The following PLPP2 variants were observed in gnomAD, a reference collection of about 807,000 sequenced individuals.
The protein encoded by PLPP2 is PAP2-gamma.
Under a neutral mutation model 35.2 loss-of-function variants are expected in PLPP2, and 29 were observed. The observed-to-expected ratio is 0.82, with a 90% CI of 0.61 to 1.12. The LOEUF is 1.12. Among genes scored for constraint, PLPP2 ranks in the 50% most tolerant of loss-of-function variants. PLPP2 has a pLI of 0.00. For synonymous variants in PLPP2, 162 were observed against 167.0 expected, an observed-to-expected ratio of 0.97 and a Z score of 0.23; for missense variants, 353 against 375.2, an observed-to-expected ratio of 0.94 and a Z score of 0.49.
chr19:287,406 G>C lies in PLPP2; in HGVS notation c.482+68C>G, dbSNP rs1970286932. 1 of 1,541,142 alleles carries C rather than the reference G, an allele frequency of 6.5e-7. No homozygotes were observed. The highest frequency in any genetic ancestry group is 1.2e-5 in the South Asian group (1 of 80,042). On this transcript the variant is annotated intron_variant, in intron 3 of 5. Coordinates refer to ENST00000434325, the MANE Select transcript of PLPP2 (RefSeq NM_003712.4). The surrounding 1 kb of genome is among the most constrained non-coding windows in gnomAD (Gnocchi z 4.3). Reference sequence around the variant, plus strand: ...TCTCAGCTGCCTGCTGGCTCTTCATGATTTGGCTCCAGGGCCTTCTTCAGC... The same window carrying C: ...TCTCAGCTGCCTGCTGGCTCTTCATCATTTGGCTCCAGGGCCTTCTTCAGC...
rs552097557 is a variant in PLPP2, at chr19:287,906, G to A, written c.204+114C>T. On this transcript the variant is annotated intron_variant, in intron 2 of 5. Transcript: ENST00000434325. This position sits in a 1 kb window ranked among gnomAD's most constrained non-coding sequence, Gnocchi z 4.3. ...CACTCAGGGCAAGGCTGTGTCCCCC[G>A]GCCCCACACAGACCTCCAGGGCAGG... The A allele has an allele frequency of 2.5e-4, 383 of 1,505,380 alleles. No individual in the cohort carries two copies. The African/African-American group carries it at 3.3e-3, about 13-fold the overall frequency. 93.3% of individuals were successfully genotyped at this position (1,505,380 alleles called of 1,614,324 possible).
chr19:284,719 A>G (rs1256272144), intron 3 of PLPP2: 1 of 152,260 alleles, frequency 6.6e-6, no homozygotes, highest in African/African-American at 2.4e-5. Flanking sequence ...AGAAGTTATA[A>G]AAAGGAACCA....
intron 1 of PLPP2, 88 bp from the exon 2 acceptor site, chr19:288,259 TC>T: frequency 7.4e-7 from 1 of 1,358,030 alleles, no homozygotes; most frequent in Non-Finnish European, 1.0e-6. Flanking sequence ...CCTGGAGGCC[TC>T]CCACCTCTAC....
intron 3 of PLPP2, chr19:284,832 A>T (rs1034615209): frequency 1.3e-5 from 2 of 152,172 alleles, no homozygotes; most frequent in Non-Finnish European, 2.9e-5. Context: ...AAATAGGTCA[A>T]TTGGCCGGGC....
chr19:290,572 T>G (rs1970367266), intron 1 of PLPP2, among the ~76,000 whole-genome samples: 1 of 152,190 alleles, frequency 6.6e-6, no homozygotes, highest in African/African-American at 2.4e-5. Context: ...GGCCATTGTC[T>G]GTGCAGCCAC....
Position 288,466 on chromosome 19 carries a change from T to C in PLPP2, c.53-295A>G, listed in dbSNP as rs76982856. The C allele has an allele frequency of 3.1e-5, 7 of 223,640 alleles. No homozygotes were observed. In the South Asian group the frequency reaches 4.3e-4, roughly 14 times the overall value. The allele number at this position is 223,640 out of a possible 1,614,324, so 13.9% of individuals were successfully genotyped here. ...CTCTGCCCAAAATATCTTTTTTTTTTAAATTTTTAAAAGTAGAGACAGGGG... is the reference window on the plus strand; with the variant it reads ...CTCTGCCCAAAATATCTTTTTTTTTCAAATTTTTAAAAGTAGAGACAGGGG... On this transcript the variant is annotated intron_variant, in intron 1 of 5. Coordinates refer to ENST00000434325, the MANE Select transcript of PLPP2 (RefSeq NM_003712.4).
At chr19:289,533 G>A (rs2145278371) in intron 1 of PLPP2, among the ~76,000 whole-genome samples, 2 of 152,048 alleles carry the variant, frequency 1.3e-5, no homozygotes, top group Non-Finnish European at 2.9e-5. Flanking sequence ...GGCTAACACG[G>A]TGAAACCCCA....
At position 281,423 on chromosome 19, in the gene PLPP2, G is replaced by A. The variant is rs1190895044; in HGVS notation, c.832C>T (p.His278Tyr). ...SLTLTLGEADHNHYGYPHSSS is the reference protein window; with the variant it reads ...SLTLTLGEADYNHYGYPHSSS ...GAGTGCGGGTATCCATAGTGGTTGT[G>A]GTCAGCCTCGCCCAGGGTCAACGTC... The change falls in exon 6 of 6, where the codon CAC (histidine) becomes TAC (tyrosine). Residue 278 changes from histidine (H) to tyrosine (Y), a missense_variant. Coordinates refer to ENST00000434325, the MANE Select transcript of PLPP2 (RefSeq NM_003712.4). The A allele has an allele frequency of 3.3e-6, 5 of 1,508,290 alleles. No homozygotes were observed. In the African/African-American group the frequency reaches 5.6e-5, roughly 17 times the overall value. The allele number at this position is 1,508,290 out of a possible 1,614,324, so 93.4% of individuals were successfully genotyped here.
chr19:290,827 G>T, intron 1 of PLPP2: 1 of 824,260 alleles, frequency 1.2e-6, no homozygotes, highest in Non-Finnish European at 1.6e-6. Flanking sequence ...CGACGCACCG[G>T]GTGCCAGGAC....
At chr19:289,381 T>C (rs1434121721) in intron 1 of PLPP2, among the ~76,000 whole-genome samples, 1 of 152,088 alleles carries the variant, frequency 6.6e-6, no homozygotes, top group African/African-American at 2.4e-5. Context: ...GGAAATAATC[T>C]GGTGAAGAAA....
rs1970387560 is a variant in PLPP2, at chr19:291,393, C to T, written c.-57G>A. 6.6e-7 allele frequency: 1 copy of T among 1,510,750 alleles called. No individual in the cohort carries two copies. 93.6% of individuals were successfully genotyped at this position (1,510,750 alleles called of 1,614,324 possible). ...GCGTCCCGTCGCGTCCCGGCCCGGC[C>T]GCGGAGTCACGTGGCGCGGAGCCCG... On this transcript the variant is annotated 5_prime_UTR_variant, in exon 1 of 6. Coordinates refer to ENST00000434325, the MANE Select transcript of PLPP2 (RefSeq NM_003712.4).
At chr19:281,967 G>A in intron 5 of PLPP2, 167 bp downstream of exon 5, 1 of 736,568 alleles carries the variant, frequency 1.4e-6, no homozygotes, top group Non-Finnish European at 2.2e-6. Flanking sequence ...GGGAAGGATG[G>A]GGTAAAGGGA....
Position 287,938 on chromosome 19 carries a change from C to T in PLPP2, c.204+82G>A. ...CACAGACCTCCAGGGCAGGGCTGTG[C>T]CACCCCCCCATCAGGCCCCCAGGGT... On this transcript the variant is annotated intron_variant, in intron 2 of 5. Coordinates refer to ENST00000434325, the MANE Select transcript of PLPP2 (RefSeq NM_003712.4). This position sits in a 1 kb window ranked among gnomAD's most constrained non-coding sequence, Gnocchi z 4.3. The T allele has an allele frequency of 1.3e-6, 2 of 1,543,264 alleles. No individual in the cohort carries two copies. Among genetic ancestry groups the T allele is most frequent in the Non-Finnish European group, 1.8e-6 (2 of 1,137,746 alleles).
intron 1 of PLPP2, chr19:290,982 G>C: frequency 1.0e-5 from 13 of 1,249,374 alleles, no homozygotes; most frequent in Non-Finnish European, 1.3e-5. Flanking sequence ...GGATGGAGGC[G>C]CGCGCGCGGC....
Position 281,123 on chromosome 19 carries a change from T to C in PLPP2, c.*265A>G. The C allele has an allele frequency of 1.4e-5, 5 of 357,846 alleles. No individual in the cohort carries two copies. Among genetic ancestry groups the C allele is most frequent in the Non-Finnish European group, 2.0e-5 (4 of 200,448 alleles). 22.2% of individuals were successfully genotyped at this position (357,846 alleles called of 1,614,324 possible). A position where few individuals can be genotyped will look rare whatever the true frequency, so the allele number is the denominator to read the frequency against. ...AAACAGCAACTATCTGATCTCTCGG[T>C]CCCTTCCTTAACCCCATAAAAAGAA... is the stretch of plus-strand genomic sequence containing the variant. On this transcript the variant is annotated 3_prime_UTR_variant, in exon 6 of 6. Coordinates refer to ENST00000434325, the MANE Select transcript of PLPP2 (RefSeq NM_003712.4).
At chr19:286,786 A>G (rs1970277900) in intron 3 of PLPP2, 1 of 151,826 alleles carries the variant, frequency 6.6e-6, no homozygotes, top group East Asian at 1.9e-4. Flanking sequence ...ATATGGCAAA[A>G]CCCCGTTTCT....
In PLPP2 at chr19:287,890, C is replaced by A; in HGVS notation, c.204+130G>T. Reference sequence around the variant, plus strand: ...TATTACCCACAGGTACCACTCAGGGCAAGGCTGTGTCCCCCGGCCCCACAC... The same window carrying A: ...TATTACCCACAGGTACCACTCAGGGAAAGGCTGTGTCCCCCGGCCCCACAC... On this transcript the variant is annotated intron_variant, in intron 2 of 5. Coordinates refer to ENST00000434325, the MANE Select transcript of PLPP2 (RefSeq NM_003712.4). This position sits in a 1 kb window ranked among gnomAD's most constrained non-coding sequence, Gnocchi z 4.3. 6.6e-7 allele frequency: 1 copy of A among 1,509,926 alleles called. No individual in the cohort carries two copies. The highest frequency in any genetic ancestry group is 2.3e-5 in the East Asian group (1 of 44,042). The allele number at this position is 1,509,926 out of a possible 1,614,324, so 93.5% of individuals were successfully genotyped here.
Position 287,100 on chromosome 19 carries a change from A to G in PLPP2, c.482+374T>C. On this transcript the variant is annotated intron_variant, in intron 3 of 5. Coordinates refer to ENST00000434325, the MANE Select transcript of PLPP2 (RefSeq NM_003712.4). The surrounding 1 kb of genome is among the most constrained non-coding windows in gnomAD (Gnocchi z 4.3). ...AAAAAAAATATTCCATGCAAACAAT[A>G]ACAAAAAGAGAACCAGAATAGCTAT... 5.3e-6 allele frequency: 1 copy of G among 188,882 alleles called. No homozygotes were observed. Among genetic ancestry groups the G allele is most frequent in the Admixed American group, 5.4e-5 (1 of 18,604 alleles). 11.7% of individuals were successfully genotyped at this position (188,882 alleles called of 1,614,324 possible).
Position 287,309 on chromosome 19 carries a change from G to C in PLPP2, c.482+165C>G. 5 of 846,186 alleles carry C rather than the reference G, an allele frequency of 5.9e-6. No homozygotes were observed. The highest frequency in any genetic ancestry group is 9.0e-6 in the Non-Finnish European group (5 of 553,224). The allele number at this position is 846,186 out of a possible 1,614,324, so 52.4% of individuals were successfully genotyped here. A position where few individuals can be genotyped will look rare whatever the true frequency, so the allele number is the denominator to read the frequency against. On this transcript the variant is annotated intron_variant, in intron 3 of 5. Transcript: ENST00000434325. The surrounding 1 kb of genome is among the most constrained non-coding windows in gnomAD (Gnocchi z 4.3). ...ACTGACAGAATGTTACAACATGGATGAACTTCAAAAACATACAAGAATGCA... is the reference window on the plus strand; with the variant it reads ...ACTGACAGAATGTTACAACATGGATCAACTTCAAAAACATACAAGAATGCA...
Sources: gnomAD v4.1 joint callset for allele counts (sites outside exome capture counted in the v4.1 genomes callset) on GRCh38, gnomAD v4.1.1 for gene constraint, Gnocchi (gnomAD v3.1) non-coding constraint, MANE v1.5 for transcripts, NCBI Gene and HGNC (gene_info 2026-07-23, HGNC 2026-07-21) for gene names.